Variants in AHCTF1 observed in about 807,000 individuals in gnomAD.
AHCTF1 encodes the protein AT-hook containing transcription factor 1.
A neutral mutation model predicts 248.4 loss-of-function variants in AHCTF1; 24 were observed. That is an observed-to-expected ratio of 0.10 (90% CI 0.07 to 0.14). AHCTF1 has a LOEUF of 0.14. Ranked by LOEUF, AHCTF1 falls within the 10% of genes least tolerant of loss-of-function variation. The probability of loss-of-function intolerance (pLI) is 1.00; values close to 1 mark genes in which losing one functional copy is unlikely to be tolerated. For missense variants in AHCTF1, 2,206 were observed against 2,636.2 expected (o/e 0.84, Z 3.57); for synonymous variants, 786 against 929.8 (o/e 0.85, Z 2.81).
chr1:246,891,891 A>G lies in AHCTF1; in HGVS notation c.1833T>C (p.His611=). The stretch of plus-strand genomic sequence containing the variant: ...ACTGTATAGTTTGTGGATCCATGAA[A>G]TGACACGAACCATCAAATAATGGCA... The part of the protein sequence containing the change: ...LCVPLFDGSC[H]FMDPQTIQSI... Residue 611 remains histidine (H), a synonymous_variant, in exon 15 of 36, where the codon CAT becomes CAC. Coordinates refer to ENST00000648844, the MANE Select transcript of AHCTF1 (RefSeq NM_001323342.2). 1 of 1,599,174 alleles carries G rather than the reference A, an allele frequency of 6.3e-7. No homozygotes were observed. The highest frequency in any genetic ancestry group is 8.5e-7 in the Non-Finnish European group (1 of 1,175,936).
intron 10 of AHCTF1, 113 bp from the exon 11 acceptor site, chr1:246,899,625 A>G (rs1664853337): frequency 4.4e-6 from 3 of 680,530 alleles, no homozygotes; most frequent in Non-Finnish European, 7.1e-6. Flanking sequence ...ATTACATGTA[A>G]TAAATCTTTA....
intron 4 of AHCTF1, among the ~76,000 whole-genome samples, chr1:246,910,268 A>ATTGC (rs1193358063): frequency 6.6e-6 from 1 of 152,230 alleles, no homozygotes; most frequent in Non-Finnish European, 1.5e-5. Flanking sequence ...CAGAAAGAGG[A>ATTGC]TTGCTGTACG....
chr1:246,864,096 T>A lies in AHCTF1; in HGVS notation c.3368A>T (p.Gln1123Leu). 1 of 1,613,920 alleles carries A rather than the reference T, an allele frequency of 6.2e-7. No individual in the cohort carries two copies. The highest frequency in any genetic ancestry group is 1.1e-5 in the South Asian group (1 of 91,062). ...ACACTGAGAAGGCCGGGGGACAGGC[T>A]GAACAACCAAATCTAGCAGTCTGTA... is the stretch of plus-strand genomic sequence containing the variant. ...KISRLLDLVV[Q>L]PVPRPSQCSE... is the part of the protein sequence containing the mutation. Residue 1123 changes from glutamine (Q) to leucine (L), a missense_variant, in exon 27 of 36, where the codon CAG becomes CTG. Gln to Leu is a moderately radical substitution (Grantham distance 113). Around this residue, in one of 6 missense-constraint regions of AHCTF1, gnomAD observed 955 missense variants for 1,055.6 expected, o/e 0.90. Coordinates refer to ENST00000648844, the MANE Select transcript of AHCTF1 (RefSeq NM_001323342.2).
intron 31 of AHCTF1, 108 bp downstream of exon 31, chr1:246,855,622 G>A (rs1661058504): frequency 3.6e-6 from 3 of 822,222 alleles, no homozygotes; most frequent in South Asian, 3.7e-5. Context: ...AATAACTGAG[G>A]AGGAAAAATC....
rs1412445317 is a variant in AHCTF1, at chr1:246,862,204, G to T, written c.3541-51C>A. 1.2e-5 allele frequency: 18 copies of T among 1,451,914 alleles called. No homozygotes were observed. The African/African-American group carries it at 1.6e-4, about 13-fold the overall frequency. 89.9% of individuals were successfully genotyped at this position (1,451,914 alleles called of 1,614,324 possible). Reference sequence around the variant, plus strand: ...CACCATTAAAAGTGCTTATAGGCCGGGCGCGGTGGCTCACGCCTGTAATCC... The same window carrying T: ...CACCATTAAAAGTGCTTATAGGCCGTGCGCGGTGGCTCACGCCTGTAATCC... On this transcript the variant is annotated intron_variant, in intron 27 of 35. Transcript: ENST00000648844.
rs1659699613 is a variant in AHCTF1, at chr1:246,839,578, G to GC, written c.*1227dup. 1 of 985,700 alleles carries GC rather than the reference G, an allele frequency of 1.0e-6. No homozygotes were observed. 61.1% of individuals were successfully genotyped at this position (985,700 alleles called of 1,614,324 possible). A position where few individuals can be genotyped will look rare whatever the true frequency, so the allele number is the denominator to read the frequency against. Reference sequence around the variant, plus strand: ...ACTGCTTTCACACTGTCAACACTTTGCGTAGGCATTTTCACCAATTTCTCA... The same window carrying GC: ...ACTGCTTTCACACTGTCAACACTTTGCCGTAGGCATTTTCACCAATTTCTCA... On this transcript the variant is annotated 3_prime_UTR_variant, in exon 36 of 36. Transcript: ENST00000648844.
At chr1:246,919,968 G>C (rs931660306) in intron 1 of AHCTF1, among the ~76,000 whole-genome samples, 10 of 151,174 alleles carry the variant, frequency 6.6e-5, no homozygotes, top group Non-Finnish European at 1.2e-4. Flanking sequence ...GTGAAAACCT[G>C]TCTCTACTAA....
intron 11 of AHCTF1, among the ~76,000 whole-genome samples, chr1:246,898,570 A>C (rs1429165732): frequency 6.6e-6 from 1 of 151,930 alleles, no homozygotes; most frequent in African/African-American, 2.4e-5. Context: ...TATGAACTGT[A>C]TAACCCTGCT....
At position 246,910,913 on chromosome 1, in the gene AHCTF1, C is replaced by A. The variant is rs779012022; in HGVS notation, c.556+2319G>T. 2.1e-3 allele frequency among the ~76,000 whole-genome samples: 321 copies of A among 152,226 alleles called. 4 individuals are homozygous for A. The highest frequency in any genetic ancestry group is 4.6e-4 in the Non-Finnish European group (31 of 68,050). On this transcript the variant is annotated intron_variant, in intron 4 of 35. Transcript: ENST00000648844. ...AAGAAACCGGTTAAGTCTGGGGAAG[C>A]TGCAGAACAATATTTATGCTGTATG...
At chr1:246,844,937 A>C (rs1259300808) in intron 33 of AHCTF1, among the ~76,000 whole-genome samples, 1 of 152,172 alleles carries the variant, frequency 6.6e-6, no homozygotes, top group African/African-American at 2.4e-5. Context: ...TGAGACCAGA[A>C]TCAAGTAACT....
At position 246,918,242 on chromosome 1, in the gene AHCTF1, A is replaced by T; in HGVS notation, c.121+8T>A. ...GTATTAGTAAATGTTCAGTGACATT[A>T]TGTTTACCTGCAGCAAACTTTCCAC... On this transcript the variant is annotated splice_region_variant and intron_variant, in intron 2 of 35. Coordinates refer to ENST00000648844, the MANE Select transcript of AHCTF1 (RefSeq NM_001323342.2). 6.2e-7 allele frequency: 1 copy of T among 1,605,814 alleles called. No homozygotes were observed. The highest frequency in any genetic ancestry group is 8.5e-7 in the Non-Finnish European group (1 of 1,176,844).
chr1:246,895,425 G>T (rs572941535), intron 13 of AHCTF1, among the ~76,000 whole-genome samples: 1 of 152,314 alleles, frequency 6.6e-6, no homozygotes, highest in Non-Finnish European at 1.5e-5. Flanking sequence ...GTGTGTGTAT[G>T]TGTGTGAAGA....
chr1:246,926,211 G>A (rs900645178), intron 1 of AHCTF1, among the ~76,000 whole-genome samples: 1 of 152,132 alleles, frequency 6.6e-6, no homozygotes, highest in African/African-American at 2.4e-5. Flanking sequence ...GCAGAACCAT[G>A]AGGCAAAATA....
At chr1:246,923,551 G>C (rs1278707346) in intron 1 of AHCTF1, among the ~76,000 whole-genome samples, 1 of 152,220 alleles carries the variant, frequency 6.6e-6, no homozygotes, top group African/African-American at 2.4e-5. Flanking sequence ...AAGTTCAGCA[G>C]ATGGTAAAAA....
At chr1:246,862,199 G>T in intron 27 of AHCTF1, 46 bp from the exon 28 acceptor site, 1 of 1,485,104 alleles carries the variant, frequency 6.7e-7, no homozygotes, top group Non-Finnish European at 9.1e-7. Flanking sequence ...AGTGCTTATA[G>T]GCCGGGCGCG....
At chr1:246,923,416 AATAAATAAATAAATAC>A (rs1187376065) in intron 1 of AHCTF1, among the ~76,000 whole-genome samples, 1 of 152,034 alleles carries the variant, frequency 6.6e-6, no homozygotes, top group African/African-American at 2.4e-5. Context: ...CTGTCCCAAA[AATAAATAAATAAATAC>A]ATAAATAAAT....
Position 246,839,594 on chromosome 1 carries a change from C to G in AHCTF1, c.*1212G>C, listed in dbSNP as rs1659700781. 1.0e-6 allele frequency: 1 copy of G among 984,914 alleles called. No homozygotes were observed. The highest frequency in any genetic ancestry group is 1.7e-5 in the African/African-American group (1 of 57,210). 61.0% of individuals were successfully genotyped at this position (984,914 alleles called of 1,614,324 possible). On this transcript the variant is annotated 3_prime_UTR_variant, in exon 36 of 36. Coordinates refer to ENST00000648844, the MANE Select transcript of AHCTF1 (RefSeq NM_001323342.2). ...CAACACTTTGCGTAGGCATTTTCAC[C>G]AATTTCTCATTATCTGTATTATTTG... is the stretch of plus-strand genomic sequence containing the variant.
chr1:246,907,658 T>C lies in AHCTF1; in HGVS notation c.657A>G (p.Thr219=), dbSNP rs773311351. 1.9e-6 allele frequency: 3 copies of C among 1,613,878 alleles called. No homozygotes were observed. The South Asian group carries it at 3.3e-5, about 18-fold the overall frequency. ...RHLCFQLVSP[T]GTAVSTLSYI... ...AACTAAGAGTTGAAACAGCTGTTCC[T>C]GTTGGACTTACTAACTGGAAACACA... The change falls in exon 5 of 36, where the codon ACA becomes ACG. Residue 219 remains threonine, a synonymous_variant. Transcript: ENST00000648844.
intron 14 of AHCTF1, among the ~76,000 whole-genome samples, chr1:246,893,392 T>G (rs2103146437): frequency 6.6e-6 from 1 of 152,364 alleles, no homozygotes; most frequent in African/African-American, 2.4e-5. Context: ...TGAAAAGCTA[T>G]CTATAGTCAA....
Sources: allele counts gnomAD v4.1 joint callset (sites outside exome capture counted in the v4.1 genomes callset), GRCh38; gene constraint gnomAD v4.1.1; regional missense constraint gnomAD v4.1.1; transcripts MANE v1.5; gene names NCBI Gene and HGNC (gene_info 2026-07-23, HGNC 2026-07-21).